The following MLX variants were observed in gnomAD, a reference collection of about 807,000 sequenced individuals.
The protein encoded by MLX is max-like protein X.
MLX carries 15 observed loss-of-function variants against 33.0 expected under a neutral mutation model. That is an observed-to-expected ratio of 0.45 (90% CI 0.30 to 0.70). The LOEUF (loss-of-function observed/expected upper bound fraction) is 0.70. Ranked by LOEUF, MLX falls within the 30% of genes least tolerant of loss-of-function variation. The pLI is 0.07. For missense variants in MLX, 285 were observed against 306.3 expected, an observed-to-expected ratio of 0.93 and a Z score of 0.52; for synonymous variants, 115 against 115.6, an observed-to-expected ratio of 0.99 and a Z score of 0.03.
rs547564696 is a variant in MLX, at chr17:42,571,679, G to A, written c.*76G>A. On this transcript the variant is annotated 3_prime_UTR_variant, in exon 8 of 8. Coordinates refer to ENST00000435881, the MANE Select transcript of MLX (RefSeq NM_198204.2). ...ACGTGGCCACTGAACTGCTGGGCCC[G>A]GGAGACTGGACTACAACACCTCACA... is the stretch of plus-strand genomic sequence containing the variant. The A allele has an allele frequency of 3.0e-5, 42 of 1,390,658 alleles. No individual in the cohort carries two copies. Among genetic ancestry groups the A allele is most frequent in the Middle Eastern group, 1.8e-4 (1 of 5,638 alleles). The allele number at this position is 1,390,658 out of a possible 1,614,324, so 86.1% of individuals were successfully genotyped here.
chr17:42,569,890 G>T (rs911899007), intron 6 of MLX, 92 bp from the exon 7 acceptor site: 115 of 1,250,558 alleles, frequency 9.2e-5, no homozygotes, highest in Non-Finnish European at 1.2e-4. Flanking sequence ...CTCTGGGGCT[G>T]CCATTCCTGG....
chr17:42,567,317 G>A (rs1007102021), intron 1 of MLX, 151 bp downstream of exon 1: 8 of 1,386,474 alleles, frequency 5.8e-6, no homozygotes, highest in Non-Finnish European at 7.5e-6. Flanking sequence ...CTCTCACCCC[G>A]CGTGTGCCAA....
Position 42,570,175 on chromosome 17 carries a change from A to G in MLX, c.670A>G (p.Lys224Glu). The change falls in exon 7 of 8, where the codon AAG (lysine) becomes GAG (glutamate). Residue 224 changes from lysine to glutamate, a missense_variant. Physicochemically the swap from Lys to Glu is moderately conservative, Grantham distance 56. Coordinates refer to ENST00000435881, the MANE Select transcript of MLX (RefSeq NM_198204.2). Reference sequence around the variant, plus strand: ...CTTCAGCTGGATCGAGGAGCACTGTAAGCCTCAGGTATGGGGCAACAATAG... The same window carrying G: ...CTTCAGCTGGATCGAGGAGCACTGTGAGCCTCAGGTATGGGGCAACAATAG... ...CVFSWIEEHC[K>E]PQTLREIVIG... The G allele has an allele frequency of 1.2e-6, 2 of 1,613,700 alleles. No homozygotes were observed.
At chr17:42,569,075 C>A in intron 4 of MLX, 129 bp from the exon 5 acceptor site, 2 of 1,262,914 alleles carry the variant, frequency 1.6e-6, no homozygotes, top group Non-Finnish European at 2.3e-6. Context: ...CAGGCACAAA[C>A]ACCTCCCTTG....
rs778270893 is a variant in MLX at position 42,573,107 on chromosome 17, A to G, written c.*1504A>G. 1.9e-6 allele frequency: 3 copies of G among 1,614,110 alleles called. No individual in the cohort carries two copies. The highest frequency in any genetic ancestry group is 2.5e-6 in the Non-Finnish European group (3 of 1,180,032). ...AAAGAAGGAAGAGAGCTCCACTTAC[A>G]AAGAACTGCTTCTTGCTCTTGGGGT... On this transcript the variant is annotated 3_prime_UTR_variant, in exon 8 of 8. Transcript: ENST00000435881.
In MLX at chr17:42,570,162, C is replaced by G. The variant is rs775956555; in HGVS notation, c.657C>G (p.Ile219Met). The change falls in exon 7 of 8, where the codon ATC becomes ATG. Residue 219 changes from isoleucine (I) to methionine (M), a missense_variant. Coordinates refer to ENST00000435881, the MANE Select transcript of MLX (RefSeq NM_198204.2). Reference protein sequence around the residue: ...QELSACVFSWIEEHCKPQTLR... With the variant: ...QELSACVFSWMEEHCKPQTLR... ...TGTCAGCGTGTGTCTTCAGCTGGATCGAGGAGCACTGTAAGCCTCAGGTAT... is the reference window on the plus strand; with the variant it reads ...TGTCAGCGTGTGTCTTCAGCTGGATGGAGGAGCACTGTAAGCCTCAGGTAT... 1.2e-6 allele frequency: 2 copies of G among 1,613,882 alleles called. No homozygotes were observed. The highest frequency in any genetic ancestry group is 2.2e-5 in the South Asian group (2 of 91,050).
chr17:42,573,168 T>TGACA lies in MLX; in HGVS notation c.*1566_*1569dup, dbSNP rs933756557. On this transcript the variant is annotated 3_prime_UTR_variant, in exon 8 of 8. Coordinates refer to ENST00000435881, the MANE Select transcript of MLX (RefSeq NM_198204.2). ...TATTGCATCAGACAGCTCTGTAGCC[T>TGACA]GACAAGAAATAAAACCACCCGTTTT... 4.3e-6 allele frequency: 7 copies of TGACA among 1,614,212 alleles called. No homozygotes were observed. Among genetic ancestry groups the TGACA allele is most frequent in the African/African-American group, 1.3e-5 (1 of 75,056 alleles).
At chr17:42,569,025 A>C in intron 4 of MLX, 82 bp downstream of exon 4, 4 of 1,420,668 alleles carry the variant, frequency 2.8e-6, no homozygotes, top group Non-Finnish European at 3.9e-6. Flanking sequence ...CCACTCAGAC[A>C]GTCCCAGGCA....
chr17:42,567,304 C>T, intron 1 of MLX, 138 bp downstream of exon 1: 1 of 1,382,684 alleles, frequency 7.2e-7, no homozygotes, highest in Non-Finnish European at 9.4e-7. Flanking sequence ...GCAGAGAAGA[C>T]AGCTCTCACC....
At chr17:42,571,438 A>AT in intron 7 of MLX, 109 bp from the exon 8 acceptor site, 2 of 1,275,518 alleles carry the variant, frequency 1.6e-6, no homozygotes, top group Middle Eastern at 1.9e-4. Flanking sequence ...CCGGGGGGCT[A>AT]TTTTTAAAGC....
At chr17:42,570,929 A>T (rs181347899) in intron 7 of MLX, among the ~76,000 whole-genome samples, 3 of 152,300 alleles carry the variant, frequency 2.0e-5, no homozygotes, top group Non-Finnish European at 2.9e-5. Context: ...TGCTGGGATT[A>T]CAGGCATGAG....
intron 1 of MLX, chr17:42,567,400 G>A (rs2093012422): frequency 3.5e-6 from 5 of 1,413,694 alleles, no homozygotes; most frequent in Non-Finnish European, 4.7e-6. Flanking sequence ...GGGGCGGAAG[G>A]GATCATACAC....
In MLX at chr17:42,572,298, A is replaced by G. The variant is rs968417274; in HGVS notation, c.*695A>G. 1.8e-5 allele frequency: 8 copies of G among 447,076 alleles called. No individual in the cohort carries two copies. The highest frequency in any genetic ancestry group is 4.0e-5 in the African/African-American group (2 of 49,804). 27.7% of individuals were successfully genotyped at this position (447,076 alleles called of 1,614,324 possible). On this transcript the variant is annotated 3_prime_UTR_variant, in exon 8 of 8. Coordinates refer to ENST00000435881, the MANE Select transcript of MLX (RefSeq NM_198204.2). ...ATGATGCTGCATGGCAGAGGCAGGT[A>G]TAACACAGCACTACATATTGGAAAT...
intron 6 of MLX, 158 bp downstream of exon 6, chr17:42,569,764 A>G (rs1413865606): frequency 5.5e-6 from 4 of 728,296 alleles, no homozygotes; most frequent in Non-Finnish European, 9.4e-6. Flanking sequence ...GTCCTTACAC[A>G]TGGCAGACAC....
chr17:42,572,861 A>G lies in MLX; in HGVS notation c.*1258A>G. The G allele has an allele frequency of 7.6e-7, 1 of 1,319,418 alleles. No individual in the cohort carries two copies. The highest frequency in any genetic ancestry group is 1.1e-6 in the Non-Finnish European group (1 of 917,458). 81.7% of individuals were successfully genotyped at this position (1,319,418 alleles called of 1,614,324 possible). A position where few individuals can be genotyped will look rare whatever the true frequency, so the allele number is the denominator to read the frequency against. ...TCCTGACTGCTCTGCTTAAAGGTGA[A>G]AGTAGCAGGAACAACAACAAAAGCC... On this transcript the variant is annotated 3_prime_UTR_variant, in exon 8 of 8. Coordinates refer to ENST00000435881, the MANE Select transcript of MLX (RefSeq NM_198204.2).
Position 42,568,115 on chromosome 17 carries a change from A to C in MLX, c.80-355A>C, listed in dbSNP as rs74449331. 164 of 204,524 alleles carry C rather than the reference A, an allele frequency of 8.0e-4. 3 individuals are homozygous for C. In the East Asian group the frequency reaches 0.02, roughly 25 times the overall value. The allele number at this position is 204,524 out of a possible 1,614,324, so 12.7% of individuals were successfully genotyped here. Reference sequence around the variant, plus strand: ...GGTGGCTCACCCCTGTAATCCCAGCACTTTGGGAGGCCGAGGCAGGCGGAT... The same window carrying C: ...GGTGGCTCACCCCTGTAATCCCAGCCCTTTGGGAGGCCGAGGCAGGCGGAT... On this transcript the variant is annotated intron_variant, in intron 2 of 7. Coordinates refer to ENST00000435881, the MANE Select transcript of MLX (RefSeq NM_198204.2).
In MLX at chr17:42,570,548, T is replaced by G. The variant is rs548763269; in HGVS notation, c.678+365T>G. Among the ~76,000 whole-genome samples, 21 of 152,346 alleles carry G rather than the reference T, an allele frequency of 1.4e-4. No individual in the cohort carries two copies. In the East Asian group the frequency reaches 4.0e-3, roughly 29 times the overall value. Reference sequence around the variant, plus strand: ...GTTGCCCCAAGAGCTTTTTAAAAATTTATTTATAATGGAGATGTGCTAATG... The same window carrying G: ...GTTGCCCCAAGAGCTTTTTAAAAATGTATTTATAATGGAGATGTGCTAATG... On this transcript the variant is annotated intron_variant, in intron 7 of 7. Transcript: ENST00000435881.
chr17:42,570,313 G>T, intron 7 of MLX, 130 bp downstream of exon 7: 1 of 813,120 alleles, frequency 1.2e-6, no homozygotes, highest in Admixed American at 2.5e-5. Context: ...CAGCTTTGAG[G>T]GCCCTGGTAT....
intron 7 of MLX, 124 bp from the exon 8 acceptor site, chr17:42,571,423 G>A: frequency 9.7e-7 from 1 of 1,030,100 alleles, no homozygotes; most frequent in Non-Finnish European, 1.5e-6. Flanking sequence ...CACCACACCT[G>A]GCCCCCGGGG....
Sources: allele counts gnomAD v4.1 joint callset (sites outside exome capture counted in the v4.1 genomes callset), GRCh38; gene constraint gnomAD v4.1.1; transcripts MANE v1.5; gene names NCBI Gene and HGNC (gene_info 2026-07-23, HGNC 2026-07-21).